Variants in DNAH14 observed in about 807,000 individuals in gnomAD.
DNAH14 encodes the protein dynein axonemal heavy chain 14, also known as axonemal beta dynein heavy chain 14.
DNAH14 carries 478 observed loss-of-function variants against 520.9 expected under a neutral mutation model. The ratio of observed to expected loss-of-function variants is 0.92; its 90% CI spans 0.85 to 0.99. The LOEUF is 0.99. DNAH14 is among the 50% of genes least tolerant of loss of function. DNAH14 has a pLI of 0.00. For missense variants in DNAH14, 4,831 were observed against 5,234.5 expected (o/e 0.92, Z 2.38); for synonymous variants, 1,581 against 1,757.2 (o/e 0.90, Z 2.51).
chr1:225,274,635 C>G (rs1361166888), intron 52 of DNAH14, among the ~76,000 whole-genome samples: 1 of 152,154 alleles, frequency 6.6e-6, no homozygotes, highest in Non-Finnish European at 1.5e-5. Flanking sequence ...TAAATGCCAA[C>G]CATAATTCAG....
rs142212370 is a variant in DNAH14, at chr1:225,200,837, C to T, written c.5887-3346C>T. Among the ~76,000 whole-genome samples, 448 of 152,156 alleles carry T rather than the reference C, an allele frequency of 2.9e-3. 1 individual carries two copies. The highest frequency in any genetic ancestry group is 9.5e-3 in the African/African-American group (396 of 41,520). ...ATATCCTGATGACAGTGTGCCTACG[C>T]GATGATCTTTTTGCAATGAATTTCC... On this transcript the variant is annotated intron_variant, in intron 38 of 85. Coordinates refer to ENST00000682510, the MANE Select transcript of DNAH14 (RefSeq NM_001367479.1).
chr1:225,094,762 C>T (rs1295439981), intron 21 of DNAH14, among the ~76,000 whole-genome samples: 1 of 145,374 alleles, frequency 6.9e-6, no homozygotes, highest in Non-Finnish European at 1.5e-5. Flanking sequence ...GCAAACTATG[C>T]GTCTGATGAA....
At chr1:224,978,119 T>C (rs1433056747) in intron 8 of DNAH14, among the ~76,000 whole-genome samples, 1 of 152,108 alleles carries the variant, frequency 6.6e-6, no homozygotes, top group Non-Finnish European at 1.5e-5. Flanking sequence ...CTCAAAAAAC[T>C]AAAAATAGAG....
rs547426581 is a variant in DNAH14, at chr1:225,012,744, G to A, written c.1107+5200G>A. Among the ~76,000 whole-genome samples the A allele has an allele frequency of 2.1e-4, 32 of 151,942 alleles. No individual in the cohort carries two copies. In the South Asian group the frequency reaches 6.7e-3, roughly 32 times the overall value. On this transcript the variant is annotated intron_variant, in intron 10 of 85. Transcript: ENST00000682510. Reference sequence around the variant, plus strand: ...ATCTCTGATATCCTTTTTTCCACTTGATTGCTTTGGCTGTTGATGCTTGTG... The same window carrying A: ...ATCTCTGATATCCTTTTTTCCACTTAATTGCTTTGGCTGTTGATGCTTGTG...
intron 43 of DNAH14, among the ~76,000 whole-genome samples, chr1:225,246,698 A>T (rs1340676410): frequency 6.6e-6 from 1 of 152,238 alleles, no homozygotes; most frequent in African/African-American, 2.4e-5. Context: ...CACTCCAATT[A>T]GAATGGCAAT....
intron 68 of DNAH14, among the ~76,000 whole-genome samples, chr1:225,338,786 G>C (rs1477554656): frequency 6.6e-6 from 1 of 152,096 alleles, no homozygotes; most frequent in Non-Finnish European, 1.5e-5. Context: ...TACAGGAAAG[G>C]CCACTTATAA....
At chr1:225,081,654 C>A (rs915243165) in intron 19 of DNAH14, among the ~76,000 whole-genome samples, 1 of 152,118 alleles carries the variant, frequency 6.6e-6, no homozygotes, top group Non-Finnish European at 1.5e-5. Flanking sequence ...TTTAATATGG[C>A]TTTATAAAAG....
intron 22 of DNAH14, among the ~76,000 whole-genome samples, chr1:225,098,574 T>G (rs2075189758): frequency 6.6e-6 from 1 of 152,194 alleles, no homozygotes; most frequent in South Asian, 2.1e-4. Context: ...CTGTTTAAAT[T>G]TAAGTATTGC....
chr1:225,167,174 A>C (rs1226230804), intron 35 of DNAH14, among the ~76,000 whole-genome samples: 1 of 152,194 alleles, frequency 6.6e-6, no homozygotes, highest in Non-Finnish European at 1.5e-5. Flanking sequence ...AGTTATTGCC[A>C]TAGAAGCTGC....
intron 15 of DNAH14, among the ~76,000 whole-genome samples, chr1:225,044,931 C>T (rs1291834418): frequency 6.9e-6 from 1 of 144,932 alleles, no homozygotes; most frequent in Non-Finnish European, 1.5e-5. Flanking sequence ...TATTCAGTGC[C>T]CATAGATTTG....
intron 36 of DNAH14, among the ~76,000 whole-genome samples, chr1:225,181,371 A>C (rs1016086231): frequency 6.6e-6 from 1 of 152,176 alleles, no homozygotes; most frequent in African/African-American, 2.4e-5. Context: ...GGCAAATGGT[A>C]GTTCTATTTT....
intron 69 of DNAH14, among the ~76,000 whole-genome samples, chr1:225,344,935 G>A (rs1027094313): frequency 3.9e-5 from 6 of 151,966 alleles, no homozygotes; most frequent in South Asian, 2.1e-4. Context: ...GGATGGTCTC[G>A]ATCTCTTGAC....
chr1:225,220,277 T>C (rs1245186443), intron 41 of DNAH14, among the ~76,000 whole-genome samples: 1 of 152,218 alleles, frequency 6.6e-6, no homozygotes, highest in Non-Finnish European at 1.5e-5. Flanking sequence ...TCACCACTCC[T>C]AATCAACATA....
chr1:225,020,424 G>C (rs566166665), intron 10 of DNAH14, among the ~76,000 whole-genome samples: 10 of 150,524 alleles, frequency 6.6e-5, no homozygotes, highest in Non-Finnish European at 1.5e-4. Context: ...TTGAATCTGG[G>C]AGGCGGAGGT....
intron 2 of DNAH14, chr1:224,954,476 A>G (rs1558504655): frequency 1.3e-5 from 2 of 152,390 alleles, no homozygotes; most frequent in African/African-American, 2.4e-5. Flanking sequence ...AAGTTTTTCC[A>G]GCAGTAGACA....
At chr1:225,321,172 T>C (rs550619153) in intron 61 of DNAH14, among the ~76,000 whole-genome samples, 2 of 152,366 alleles carry the variant, frequency 1.3e-5, no homozygotes, top group Admixed American at 1.3e-4. Flanking sequence ...AATGTGAAGA[T>C]GATCTTCATT....
chr1:225,256,391 C>T (rs1024064663), intron 44 of DNAH14, among the ~76,000 whole-genome samples: 25 of 152,016 alleles, frequency 1.6e-4, no homozygotes, highest in African/African-American at 6.0e-4. Flanking sequence ...GGCTTTGCTT[C>T]TGTGGGATGG....
intron 3 of DNAH14, among the ~76,000 whole-genome samples, chr1:224,959,846 T>G (rs1335631226): frequency 6.6e-6 from 1 of 152,174 alleles, no homozygotes; most frequent in Non-Finnish European, 1.5e-5. Flanking sequence ...GCACTTACTG[T>G]GTGCTTTAAA....
chr1:225,175,701 CTT>C (rs35341695), intron 36 of DNAH14, among the ~76,000 whole-genome samples: 133 of 109,188 alleles, frequency 1.2e-3, no homozygotes, highest in Middle Eastern at 0.01. Context: ...TATTTTGGAT[CTT>C]TTTTTTTTTT....
Sources: gnomAD v4.1 joint callset for allele counts (sites outside exome capture counted in the v4.1 genomes callset) on GRCh38, gnomAD v4.1.1 for gene constraint, MANE v1.5 for transcripts, NCBI Gene and HGNC (gene_info 2026-07-23, HGNC 2026-07-21) for gene names.